Variants in TMTC1 observed in about 807,000 individuals in gnomAD.
TMTC1 encodes the protein transmembrane O-mannosyltransferase targeting cadherins 1.
TMTC1 carries 73 observed loss-of-function variants against 104.8 expected under a neutral mutation model. The ratio of observed to expected loss-of-function variants is 0.70; its 90% CI spans 0.58 to 0.85. TMTC1 has a LOEUF of 0.85. TMTC1 is among the 40% of genes least tolerant of loss of function. The pLI is 0.00. For missense variants in TMTC1, 1,035 were observed against 1,096.1 expected (o/e 0.94, Z 0.79); for synonymous variants, 434 against 428.7 (o/e 1.01, Z -0.15).
intron 5 of TMTC1, among the ~76,000 whole-genome samples, chr12:29,695,495 C>T (rs913811800): frequency 6.6e-6 from 1 of 151,770 alleles, no homozygotes; most frequent in African/African-American, 2.4e-5. Context: ...TTAGTAGAGA[C>T]GGGGTTTCAC....
chr12:29,579,436 T>A (rs1169409270), intron 8 of TMTC1, among the ~76,000 whole-genome samples: 2 of 152,218 alleles, frequency 1.3e-5, no homozygotes, highest in African/African-American at 4.8e-5. Context: ...GGAGGTATTC[T>A]AAATTCTCTG....
rs1943639798 is a variant in TMTC1, at chr12:29,503,606, G to GA, written c.*3239dup. 1.3e-5 allele frequency: 2 copies of GA among 152,038 alleles called. No homozygotes were observed. Among genetic ancestry groups the GA allele is most frequent in the Non-Finnish European group, 2.9e-5 (2 of 67,994 alleles). The allele number at this position is 152,038 out of a possible 1,614,324, so 9.4% of individuals were successfully genotyped here. The stretch of plus-strand genomic sequence containing the variant: ...ACATGAGGAACTCTAAATGTAGCTG[G>GA]AAAAAAATAGCAAATCTGTTCAGAG... On this transcript the variant is annotated 3_prime_UTR_variant, in exon 18 of 18. Transcript: ENST00000539277.
chr12:29,512,013 G>A (rs774799871), intron 17 of TMTC1, 30 bp downstream of exon 17: 34 of 1,596,284 alleles, frequency 2.1e-5, no homozygotes, highest in East Asian at 2.0e-4. Flanking sequence ...GGGAAAGCCC[G>A]GTCCACATGG....
intron 6 of TMTC1, among the ~76,000 whole-genome samples, chr12:29,624,717 A>AC (rs1258878766): frequency 1.3e-5 from 2 of 152,144 alleles, no homozygotes; most frequent in Non-Finnish European, 2.9e-5. Flanking sequence ...TCTTCGCATC[A>AC]CCTAATATTT....
chr12:29,667,437 A>T (rs1471269162), intron 5 of TMTC1, among the ~76,000 whole-genome samples: 1 of 152,224 alleles, frequency 6.6e-6, no homozygotes, highest in Non-Finnish European at 1.5e-5. Flanking sequence ...ACTTCCAAGG[A>T]AACAGTTACT....
At chr12:29,628,608 G>A (rs1197154814) in intron 6 of TMTC1, among the ~76,000 whole-genome samples, 2 of 152,158 alleles carry the variant, frequency 1.3e-5, no homozygotes, top group East Asian at 3.9e-4. Context: ...GGCTTCATCT[G>A]CATGGTAAAA....
intron 9 of TMTC1, among the ~76,000 whole-genome samples, chr12:29,566,066 A>G (rs925747096): frequency 6.6e-6 from 1 of 152,104 alleles, no homozygotes; most frequent in Non-Finnish European, 1.5e-5. Context: ...GAGAAAAATG[A>G]AGCAAAGAGG....
chr12:29,631,660 TAA>T (rs1404467777), intron 6 of TMTC1, among the ~76,000 whole-genome samples: 1 of 152,194 alleles, frequency 6.6e-6, no homozygotes. Flanking sequence ...AATCGTTGGT[TAA>T]ACTGGGTGTT....
chr12:29,536,213 T>G lies in TMTC1; in HGVS notation c.1781A>C (p.Glu594Ala). ...ACTACTGTGTGAAACAATTACCTGC[T>G]CAGCCAATAACGAAGCTAAGCTTGA... ...AYSSLASLLA[E>A]QERFKEAEEI... Residue 594 changes from glutamate (E) to alanine (A), a missense_variant, in exon 11 of 18, where the codon GAG becomes GCG. By Grantham distance (107) the Glu-to-Ala change is moderately radical (BLOSUM62 -1). Transcript: ENST00000539277. 6.2e-7 allele frequency: 1 copy of G among 1,602,586 alleles called. No homozygotes were observed. Among genetic ancestry groups the G allele is most frequent in the Non-Finnish European group, 8.5e-7 (1 of 1,170,072 alleles).
chr12:29,588,618 G>C (rs1946202484), intron 7 of TMTC1, among the ~76,000 whole-genome samples: 1 of 152,244 alleles, frequency 6.6e-6, no homozygotes, highest in South Asian at 2.1e-4. Flanking sequence ...AATTCACATG[G>C]GTAGGGAACA....
At chr12:29,644,548 G>A (rs1382667097) in intron 5 of TMTC1, among the ~76,000 whole-genome samples, 1 of 151,952 alleles carries the variant, frequency 6.6e-6, no homozygotes, top group Non-Finnish European at 1.5e-5. Context: ...ATAATTCAAA[G>A]ACAGAAAACT....
chr12:29,519,178 A>G (rs1944077013), intron 12 of TMTC1: 1 of 152,214 alleles, frequency 6.6e-6, no homozygotes, highest in Admixed American at 6.5e-5. Flanking sequence ...TAATGCCACC[A>G]TGCACTTGTC....
At chr12:29,566,035 T>C (rs1243020353) in intron 9 of TMTC1, among the ~76,000 whole-genome samples, 1 of 151,698 alleles carries the variant, frequency 6.6e-6, no homozygotes, top group Non-Finnish European at 1.5e-5. Flanking sequence ...GATAGGTGAG[T>C]AGAGCGGAGG....
chr12:29,753,141 C>T lies in TMTC1; in HGVS notation c.732-1269G>A, dbSNP rs184945038. Among the ~76,000 whole-genome samples the T allele has an allele frequency of 1.2e-3, 183 of 152,202 alleles. 1 individual carries two copies. In the Middle Eastern group the frequency reaches 0.017, roughly 14 times the overall value. On this transcript the variant is annotated intron_variant, in intron 4 of 17. Coordinates refer to ENST00000539277, the MANE Select transcript of TMTC1 (RefSeq NM_001193451.2). ...TTTCTTTCCTGCTTCCTGAATCATA[C>T]GATGAAAGATCTCAAGAACCACCTA...
chr12:29,638,242 G>A lies in TMTC1; in HGVS notation c.939-4906C>T, dbSNP rs576109081. On this transcript the variant is annotated intron_variant, in intron 5 of 17. Coordinates refer to ENST00000539277, the MANE Select transcript of TMTC1 (RefSeq NM_001193451.2). ...GCCCATAAAACCCTGAGACCCTAGC[G>A]GGCACAGATACAAGTGGCTGGACAT... Among the ~76,000 whole-genome samples, 40 of 152,162 alleles carry A rather than the reference G, an allele frequency of 2.6e-4. No homozygotes were observed. The South Asian group carries it at 5.0e-3, about 19-fold the overall frequency.
chr12:29,576,736 G>T (rs777834884), intron 8 of TMTC1, among the ~76,000 whole-genome samples: 6 of 151,984 alleles, frequency 3.9e-5, no homozygotes, highest in African/African-American at 9.7e-5. Flanking sequence ...CTAAGAATAT[G>T]GTATTGTATA....
chr12:29,555,115 A>G (rs924678855), intron 10 of TMTC1, among the ~76,000 whole-genome samples: 4 of 145,930 alleles, frequency 2.7e-5, no homozygotes, highest in African/African-American at 1.0e-4. Flanking sequence ...TAAAGGGTTT[A>G]GGATTCAGTT....
chr12:29,574,719 C>A (rs1362172495), intron 8 of TMTC1, among the ~76,000 whole-genome samples: 1 of 152,182 alleles, frequency 6.6e-6, no homozygotes, highest in African/African-American at 2.4e-5. Context: ...TATACGGGCA[C>A]CACCCCTACT....
intron 5 of TMTC1, among the ~76,000 whole-genome samples, chr12:29,645,237 T>C (rs942592772): frequency 2.0e-5 from 3 of 152,222 alleles, no homozygotes; most frequent in Admixed American, 2.0e-4. Flanking sequence ...ATAAAAGATA[T>C]CTGCTAGACT....
Sources: gnomAD v4.1 joint callset for allele counts (sites outside exome capture counted in the v4.1 genomes callset) on GRCh38, gnomAD v4.1.1 for gene constraint, MANE v1.5 for transcripts, NCBI Gene and HGNC (gene_info 2026-07-23, HGNC 2026-07-21) for gene names.